The following ITCH variants were observed in gnomAD, a reference collection of about 807,000 sequenced individuals.
ITCH encodes the protein itchy E3 ubiquitin protein ligase, also known as E3 ubiquitin-protein ligase Itchy homolog.
Under a neutral mutation model 126.8 loss-of-function variants are expected in ITCH, and 28 were observed. That is an observed-to-expected ratio of 0.22 (90% CI 0.16 to 0.30). ITCH has a LOEUF of 0.30. ITCH is among the 10% of genes least tolerant of loss of function. ITCH has a pLI of 1.00. For synonymous variants in ITCH, 342 were observed against 340.0 expected (o/e 1.01, Z -0.06); for missense variants, 631 against 1,032.4 (o/e 0.61, Z 5.33).
At chr20:34,378,236 C>T (rs1000776423) in intron 2 of ITCH, among the ~76,000 whole-genome samples, 3 of 151,746 alleles carry the variant, frequency 2.0e-5, no homozygotes, top group East Asian at 1.9e-4. Context: ...TTTGGGAGGC[C>T]AAGGCGGGAG....
chr20:34,459,511 A>G (rs1986317941), intron 13 of ITCH, among the ~76,000 whole-genome samples: 1 of 152,238 alleles, frequency 6.6e-6, no homozygotes, highest in African/African-American at 2.4e-5. Context: ...CCAGGCAAAC[A>G]AAGATATTCC....
At chr20:34,400,487 A>G (rs1200336060) in intron 3 of ITCH, among the ~76,000 whole-genome samples, 2 of 152,098 alleles carry the variant, frequency 1.3e-5, no homozygotes, top group Non-Finnish European at 1.5e-5. Context: ...GAAAGCTCCT[A>G]TAATAGGGGA....
chr20:34,387,940 T>C (rs1601779661), intron 2 of ITCH, among the ~76,000 whole-genome samples: 1 of 152,108 alleles, frequency 6.6e-6, no homozygotes. Context: ...CTTGACCTTG[T>C]GATCCACCCG....
Position 34,442,252 on chromosome 20 carries a change from A to G in ITCH, c.914A>G (p.Asp305Gly), listed in dbSNP as rs534969276. 1.9e-6 allele frequency: 3 copies of G among 1,614,102 alleles called. No individual in the cohort carries two copies. In the African/African-American group the frequency reaches 4.0e-5, roughly 22 times the overall value. The part of the protein sequence containing the change: ...VDQHGRVYYV[D>G]HVEKRTTWDR... The stretch of plus-strand genomic sequence containing the variant: ...CAGCACGGGCGAGTTTACTATGTAG[A>G]TCATGTTGAGAAAAGAACAACATGG... The change falls in exon 10 of 25, where the codon GAT becomes GGT. Residue 305 changes from aspartate (D) to glycine (G), a missense_variant. By Grantham distance (94) the Asp-to-Gly change is moderately conservative (BLOSUM62 -1). Transcript: ENST00000374864.
chr20:34,365,425 G>A (rs150391519), intron 1 of ITCH, among the ~76,000 whole-genome samples: 5 of 152,040 alleles, frequency 3.3e-5, no homozygotes, highest in Non-Finnish European at 5.9e-5. Context: ...CATCTTTTTC[G>A]TTTGTTTGAG....
intron 13 of ITCH, among the ~76,000 whole-genome samples, chr20:34,460,484 T>C (rs758492349): frequency 1.3e-5 from 2 of 152,106 alleles, no homozygotes; most frequent in Non-Finnish European, 2.9e-5. Flanking sequence ...GAAATACTTT[T>C]GGAAGACCTA....
At chr20:34,363,915 T>G (rs1018033053) in intron 1 of ITCH, among the ~76,000 whole-genome samples, 4 of 152,256 alleles carry the variant, frequency 2.6e-5, no homozygotes, top group East Asian at 3.9e-4. Context: ...TGGTCCCGGC[T>G]CCGGCGCCCT....
intron 12 of ITCH, among the ~76,000 whole-genome samples, chr20:34,449,694 G>T (rs149655160): frequency 6.6e-6 from 1 of 151,668 alleles, no homozygotes; most frequent in East Asian, 1.9e-4. Flanking sequence ...TTTTATTGAC[G>T]CTCATAATTA....
chr20:34,445,523 A>G (rs1984349365), intron 11 of ITCH, 62 bp downstream of exon 11: 5 of 1,525,016 alleles, frequency 3.3e-6, no homozygotes, highest in South Asian at 2.3e-5. Flanking sequence ...CTTCCAGCAT[A>G]TGTCATGGAA....
chr20:34,506,331 T>A (rs1410296141), intron 24 of ITCH, among the ~76,000 whole-genome samples: 1 of 152,234 alleles, frequency 6.6e-6, no homozygotes, highest in African/African-American at 2.4e-5. Context: ...CCCAAAGTGC[T>A]GGAATTACAG....
chr20:34,409,921 T>C (rs1439023330), intron 4 of ITCH, among the ~76,000 whole-genome samples: 1 of 151,902 alleles, frequency 6.6e-6, no homozygotes, highest in Non-Finnish European at 1.5e-5. Flanking sequence ...TCTCAACTCT[T>C]TGGGAGACTG....
At chr20:34,435,790 G>A (rs1019362723) in intron 7 of ITCH, among the ~76,000 whole-genome samples, 2 of 152,146 alleles carry the variant, frequency 1.3e-5, no homozygotes, top group African/African-American at 4.8e-5. Flanking sequence ...GAAACTACTA[G>A]GGAAAGTAGC....
chr20:34,464,570 G>A lies in ITCH; in HGVS notation c.1424+2349G>A, dbSNP rs575407342. ...TCGAACTCCCGACCTCAGGTGATCCGCCCGCCTCAGCCTCCTGAAGTGTTG... is the reference window on the plus strand; with the variant it reads ...TCGAACTCCCGACCTCAGGTGATCCACCCGCCTCAGCCTCCTGAAGTGTTG... On this transcript the variant is annotated intron_variant, in intron 14 of 24. Coordinates refer to ENST00000374864, the MANE Select transcript of ITCH (RefSeq NM_031483.7). Among the ~76,000 whole-genome samples the A allele has an allele frequency of 1.3e-3, 191 of 151,596 alleles. 2 individuals carry two copies. The highest frequency in any genetic ancestry group is 4.4e-3 in the African/African-American group (182 of 41,316).
intron 2 of ITCH, among the ~76,000 whole-genome samples, chr20:34,387,195 A>G (rs1422973833): frequency 2.0e-5 from 3 of 151,676 alleles, no homozygotes; most frequent in African/African-American, 7.3e-5. Context: ...CCCAGCTACT[A>G]GGGAGGCTGA....
At chr20:34,395,584 C>T (rs972985375) in intron 3 of ITCH, among the ~76,000 whole-genome samples, 3 of 152,126 alleles carry the variant, frequency 2.0e-5, no homozygotes, top group Non-Finnish European at 4.4e-5. Context: ...AAAAAGAAGC[C>T]CTGTACTCAT....
intron 23 of ITCH, among the ~76,000 whole-genome samples, chr20:34,493,572 T>G (rs575617559): frequency 6.6e-6 from 1 of 152,230 alleles, no homozygotes; most frequent in African/African-American, 2.4e-5. Context: ...GGTAGAGAGC[T>G]TAATAGAAAA....
At chr20:34,474,785 GC>G in intron 16 of ITCH, among the ~76,000 whole-genome samples, 1 of 113,100 alleles carries the variant, frequency 8.8e-6, no homozygotes, top group Non-Finnish European at 2.0e-5. Context: ...GGCTGGCCGG[GC>G]GGGGGGGCTG....
At chr20:34,371,239 A>G (rs2037616615) in intron 2 of ITCH, among the ~76,000 whole-genome samples, 1 of 148,780 alleles carries the variant, frequency 6.7e-6, no homozygotes, top group African/African-American at 2.5e-5. Flanking sequence ...CAGCATTGCC[A>G]CTTTTGGGTA....
At position 34,402,166 on chromosome 20, in the gene ITCH, A is replaced by G. The variant is rs1440978343; in HGVS notation, c.71-6485A>G. 18 of 1,268,878 alleles carry G rather than the reference A, an allele frequency of 1.4e-5. No individual in the cohort carries two copies. The African/African-American group carries it at 1.8e-4, about 13-fold the overall frequency. 78.6% of individuals were successfully genotyped at this position (1,268,878 alleles called of 1,614,324 possible). A position where few individuals can be genotyped will look rare whatever the true frequency, so the allele number is the denominator to read the frequency against. On this transcript the variant is annotated intron_variant, in intron 3 of 24. Coordinates refer to ENST00000374864, the MANE Select transcript of ITCH (RefSeq NM_031483.7). ...GATGTTCCTAGCAGCACACATATGC[A>G]GCTCTTCTTCGGTTCTGGAGGTTCC... is the stretch of plus-strand genomic sequence containing the variant.
Sources: allele counts gnomAD v4.1 joint callset (sites outside exome capture counted in the v4.1 genomes callset), GRCh38; gene constraint gnomAD v4.1.1; transcripts MANE v1.5; gene names NCBI Gene and HGNC (gene_info 2026-07-23, HGNC 2026-07-21).